KRT86: variants seen among roughly 807,000 people sequenced by gnomAD.
KRT86 encodes keratin 86.
In KRT86, 30 loss-of-function variants were observed where a neutral mutation model predicts 41.2. The ratio of observed to expected loss-of-function variants is 0.73; its 90% confidence interval spans 0.54 to 0.99. The LOEUF is 0.99. Ranked by LOEUF, KRT86 falls within the 50% of genes least tolerant of loss-of-function variation. KRT86 has a pLI of 0.00. For missense variants in KRT86, 561 were observed against 571.4 expected (o/e 0.98, Z 0.19); for synonymous variants, 238 against 238.1 (o/e 1.00, Z 0.00).
At chr12:52,280,158 G>A (rs1276273069) in intron 2 of KRT86, among the ~76,000 whole-genome samples, 2 of 152,202 alleles carry the variant, frequency 1.3e-5, no homozygotes, top group African/African-American at 4.8e-5. Context: ...ATATGATCTG[G>A]TGGCGGGCAG....
intron 9 of KRT86, chr12:52,306,544 C>CT: frequency 6.7e-6 from 4 of 600,804 alleles, no homozygotes; most frequent in Non-Finnish European, 8.7e-6. Flanking sequence ...ACTGAGAAGC[C>CT]TAATTAAGGC....
chr12:52,287,993 G>A (rs758073682), intron 2 of KRT86: 25 of 1,614,090 alleles, frequency 1.5e-5, no homozygotes, highest in Non-Finnish European at 2.1e-5. Flanking sequence ...CCTTGCTGCG[G>A]TACCAGGACT....
At chr12:52,291,679 G>T in intron 2 of KRT86, 1 of 667,346 alleles carries the variant, frequency 1.5e-6, no homozygotes, top group Admixed American at 2.8e-5. Context: ...TAATGGGGGA[G>T]TGGCCTGCAC....
Position 52,301,976 on chromosome 12 carries a change from C to G in KRT86, c.60C>G (p.Pro20=), listed in dbSNP as rs201694571. 3.1e-3 allele frequency: 5,034 copies of G among 1,613,342 alleles called. 11 individuals carry two copies. Among genetic ancestry groups the G allele is most frequent in the African/African-American group, 0.011 (832 of 75,040 alleles). ...RAFSCISACG[P]RPGRCCITAA... ...TCAGCTGCATCTCGGCCTGCGGGCC[C>G]CGGCCCGGCCGCTGCTGCATCACCG... is the stretch of plus-strand genomic sequence containing the variant. The change falls in exon 3 of 11, where the codon CCC becomes CCG. Residue 20 remains proline, a synonymous_variant. Transcript: ENST00000423955.
Position 52,307,926 on chromosome 12 carries a change from C to T in KRT86, c.1248-307C>T, listed in dbSNP as rs546990298. Among the ~76,000 whole-genome samples, 7 of 152,336 alleles carry T rather than the reference C, an allele frequency of 4.6e-5. No individual in the cohort carries two copies. In the East Asian group the frequency reaches 1.4e-3, roughly 29 times the overall value. ...GCCAGGCACTAAGCACTGGACGCTT[C>T]TTATTTGATTCAGTCCTCGCAAGAG... On this transcript the variant is annotated intron_variant, in intron 9 of 10. Coordinates refer to ENST00000423955, the MANE Select transcript of KRT86 (RefSeq NM_001320198.2).
chr12:52,280,030 A>G (rs964255828), intron 2 of KRT86, among the ~76,000 whole-genome samples: 1 of 152,220 alleles, frequency 6.6e-6, no homozygotes, highest in African/African-American at 2.4e-5. Context: ...TATCACCCTG[A>G]TGGGGCATTT....
chr12:52,275,774 C>G (rs758997917), intron 1 of KRT86, 47 bp from the exon 2 acceptor site: 6 of 940,122 alleles, frequency 6.4e-6, no homozygotes, highest in Non-Finnish European at 7.6e-6. Flanking sequence ...CCCTGTCTGG[C>G]CTCCTCACCT....
At chr12:52,291,257 A>T in intron 2 of KRT86, 1 of 1,520,300 alleles carries the variant, frequency 6.6e-7, no homozygotes, top group South Asian at 1.2e-5. Context: ...GGGCCCGCAC[A>T]CGCCCCCGGA....
intron 2 of KRT86, among the ~76,000 whole-genome samples, chr12:52,295,091 C>T (rs944347564): frequency 2.6e-5 from 4 of 152,172 alleles, no homozygotes; most frequent in African/African-American, 7.2e-5. Context: ...TCTTCTGGTG[C>T]ATTTATGCAA....
intron 2 of KRT86, among the ~76,000 whole-genome samples, chr12:52,295,658 G>T (rs1938233061): frequency 6.6e-6 from 1 of 152,264 alleles, no homozygotes; most frequent in South Asian, 2.1e-4. Context: ...CCCAGATAAT[G>T]AACAAAAATG....
intron 2 of KRT86, among the ~76,000 whole-genome samples, chr12:52,299,840 C>T (rs555157613): frequency 7.9e-4 from 120 of 152,266 alleles, no homozygotes; most frequent in African/African-American, 2.5e-3. Flanking sequence ...ATTGCAGCTA[C>T]GAATTCCTTG....
intron 2 of KRT86, chr12:52,287,859 C>T: frequency 6.2e-7 from 1 of 1,601,410 alleles, no homozygotes. Context: ...ACCCCAACCT[C>T]AGATTGGCAG....
intron 2 of KRT86, among the ~76,000 whole-genome samples, chr12:52,292,168 A>G (rs1938145552): frequency 6.6e-6 from 1 of 152,236 alleles, no homozygotes; most frequent in Non-Finnish European, 1.5e-5. Flanking sequence ...TACAACACAC[A>G]TGCATTGATG....
chr12:52,281,414 G>T (rs1937769051), intron 2 of KRT86, among the ~76,000 whole-genome samples: 1 of 152,242 alleles, frequency 6.6e-6, no homozygotes, highest in African/African-American at 2.4e-5. Flanking sequence ...GTCTGCCACA[G>T]AGTAGATGTG....
intron 2 of KRT86, among the ~76,000 whole-genome samples, chr12:52,284,784 C>T (rs10876270): frequency 0.36 from 54,277 of 151,994 alleles, 10,006 homozygotes; most frequent in East Asian, 0.5. Flanking sequence ...TTCACTCCGG[C>T]TTAAAGATGT....
Position 52,305,804 on chromosome 12 carries a change from G to A in KRT86, c.1026+16G>A. Reference sequence around the variant, plus strand: ...CAAGTGCCAGGTATGGGGCATCTGTGCCCAAGGTCAGAGAGACCGAGGGTC... The same window carrying A: ...CAAGTGCCAGGTATGGGGCATCTGTACCCAAGGTCAGAGAGACCGAGGGTC... On this transcript the variant is annotated intron_variant, in intron 8 of 10. Transcript: ENST00000423955. 1.2e-6 allele frequency: 2 copies of A among 1,613,972 alleles called. No individual in the cohort carries two copies. The highest frequency in any genetic ancestry group is 1.7e-6 in the Non-Finnish European group (2 of 1,179,866).
At chr12:52,306,423 G>C in intron 9 of KRT86, 143 bp downstream of exon 9, 1 of 1,301,880 alleles carries the variant, frequency 7.7e-7, no homozygotes, top group Admixed American at 2.0e-5. Context: ...AGTCCTTTAA[G>C]TATGATCTAG....
At chr12:52,291,363 T>C in intron 2 of KRT86, 7 of 1,599,136 alleles carry the variant, frequency 4.4e-6, no homozygotes, top group East Asian at 2.3e-5. Flanking sequence ...TAGCAGGAGA[T>C]GCCACGGTAG....
At chr12:52,281,386 G>T (rs1937768315) in intron 2 of KRT86, among the ~76,000 whole-genome samples, 1 of 152,240 alleles carries the variant, frequency 6.6e-6, no homozygotes, top group East Asian at 1.9e-4. Flanking sequence ...GGCAGTGAAG[G>T]TCTCATCCAT....
Sources: allele counts gnomAD v4.1 joint callset (sites outside exome capture counted in the v4.1 genomes callset), GRCh38; gene constraint gnomAD v4.1.1; transcripts MANE v1.5; gene names NCBI Gene and HGNC (gene_info 2026-07-23, HGNC 2026-07-21).